The following SUV39H2 variants were observed in gnomAD, a reference collection of about 807,000 sequenced individuals.
The protein encoded by SUV39H2 is histone-lysine N-methyltransferase SUV39H2.
A neutral mutation model predicts 47.5 loss-of-function variants in SUV39H2; 10 were observed. The observed-to-expected ratio is 0.21, with a 90% CI of 0.13 to 0.36. SUV39H2 has a LOEUF of 0.36. Ranked by LOEUF, SUV39H2 falls within the 10% of genes least tolerant of loss-of-function variation. The pLI, the probability that SUV39H2 is intolerant of heterozygous loss-of-function variation, is 1.00. For missense variants in SUV39H2, 266 were observed against 487.4 expected, an observed-to-expected ratio of 0.55 and a Z score of 4.28; for synonymous variants, 159 against 166.8, an observed-to-expected ratio of 0.95 and a Z score of 0.36.
At chr10:14,888,389 A>C (rs559741498) in intron 2 of SUV39H2, among the ~76,000 whole-genome samples, 1 of 152,178 alleles carries the variant, frequency 6.6e-6, no homozygotes, top group South Asian at 2.1e-4. Flanking sequence ...TAATCCCAGC[A>C]CTTTGGGAGG....
intron 2 of SUV39H2, among the ~76,000 whole-genome samples, chr10:14,883,704 C>CAAA (rs58522342): frequency 0.011 from 554 of 49,972 alleles, 32 homozygotes; most frequent in East Asian, 0.041. Flanking sequence ...GACTCAGTCT[C>CAAA]AAAAAAAAAA....
chr10:14,883,404 G>T (rs1833102275), intron 2 of SUV39H2, among the ~76,000 whole-genome samples: 1 of 151,784 alleles, frequency 6.6e-6, no homozygotes, highest in Admixed American at 6.6e-5. Context: ...TATTTAAAGT[G>T]TACAATTCAG....
intron 4 of SUV39H2, among the ~76,000 whole-genome samples, chr10:14,899,970 C>A (rs747782217): frequency 6.6e-5 from 10 of 152,108 alleles, no homozygotes; most frequent in Non-Finnish European, 2.9e-5. Context: ...GTATTACTTT[C>A]ATATTACAAT....
chr10:14,881,663 C>T lies in SUV39H2; in HGVS notation c.177+18C>T. On this transcript the variant is annotated intron_variant, in intron 2 of 5. Transcript: ENST00000354919. ...TAGTAAAGGTAAGGCAAATATCTAG[C>T]CCCTTACAAGAGACCTAATCAGACT... 6.6e-7 allele frequency: 1 copy of T among 1,520,036 alleles called. No homozygotes were observed. The highest frequency in any genetic ancestry group is 1.8e-4 in the Middle Eastern group (1 of 5,654). The allele number at this position is 1,520,036 out of a possible 1,614,324, so 94.2% of individuals were successfully genotyped here.
chr10:14,886,510 T>C (rs1454768382), intron 2 of SUV39H2, among the ~76,000 whole-genome samples: 2 of 152,240 alleles, frequency 1.3e-5, no homozygotes, highest in Non-Finnish European at 2.9e-5. Flanking sequence ...AACGGGTGTT[T>C]GGTCCATGGT....
In SUV39H2 at chr10:14,896,885, G is replaced by C. The variant is rs774367306; in HGVS notation, c.217G>C (p.Asp73His). The C allele has an allele frequency of 6.2e-7, 1 of 1,602,070 alleles. No homozygotes were observed. The highest frequency in any genetic ancestry group is 8.5e-7 in the Non-Finnish European group (1 of 1,172,432). ...TCTTGTAAAATGGAAAGGATGGCCAGATTCTACAAATACTTGGGAACCTTT... is the reference window on the plus strand; with the variant it reads ...TCTTGTAAAATGGAAAGGATGGCCACATTCTACAAATACTTGGGAACCTTT... ...YYLVKWKGWP[D>H]STNTWEPLQN... Residue 73 changes from aspartate (D) to histidine (H), a missense_variant, in exon 3 of 6, where the codon GAT becomes CAT. Physicochemically the swap from Asp to His is moderately conservative, Grantham distance 81. This residue lies in a region of SUV39H2 where 32 missense variants were observed against 77.2 expected (regional missense o/e 0.41). Transcript: ENST00000354919.
intron 2 of SUV39H2, among the ~76,000 whole-genome samples, chr10:14,882,501 C>T (rs1277545571): frequency 6.6e-6 from 1 of 152,228 alleles, no homozygotes; most frequent in Non-Finnish European, 1.5e-5. Flanking sequence ...CAGCCCCAGT[C>T]ATCTGCCATC....
intron 2 of SUV39H2, among the ~76,000 whole-genome samples, chr10:14,885,387 C>G (rs1206574380): frequency 6.6e-6 from 1 of 152,188 alleles, no homozygotes; most frequent in Non-Finnish European, 1.5e-5. Context: ...TTTCTTTTTA[C>G]TCTCTAAATC....
rs1357653635 is a variant in SUV39H2 at position 14,903,899 on chromosome 10, G to A, written c.*1387G>A. ...CTTCTTAATCTTTAGCTCTTTCTTG[G>A]GAGAAGCTAGACTTTATTCATTATA... On this transcript the variant is annotated 3_prime_UTR_variant, in exon 6 of 6. Transcript: ENST00000354919. 2.6e-5 allele frequency: 4 copies of A among 152,032 alleles called. No individual in the cohort carries two copies. The South Asian group carries it at 8.3e-4, about 32-fold the overall frequency. The allele number at this position is 152,032 out of a possible 1,614,324, so 9.4% of individuals were successfully genotyped here.
chr10:14,902,610 C>A lies in SUV39H2; in HGVS notation c.*98C>A. ...TGGGACTCTTATTATCAAGGTTCTACCTATGTTAATTTACAATTCATGTTT... is the reference window on the plus strand; with the variant it reads ...TGGGACTCTTATTATCAAGGTTCTAACTATGTTAATTTACAATTCATGTTT... On this transcript the variant is annotated 3_prime_UTR_variant, in exon 6 of 6. Coordinates refer to ENST00000354919, the MANE Select transcript of SUV39H2 (RefSeq NM_001193424.2). 1 of 735,300 alleles carries A rather than the reference C, an allele frequency of 1.4e-6. No homozygotes were observed. The highest frequency in any genetic ancestry group is 2.1e-6 in the Non-Finnish European group (1 of 478,790). 45.5% of individuals were successfully genotyped at this position (735,300 alleles called of 1,614,324 possible). A position where few individuals can be genotyped will look rare whatever the true frequency, so the allele number is the denominator to read the frequency against.
intron 5 of SUV39H2, 113 bp from the exon 6 acceptor site, chr10:14,902,293 C>T: frequency 1.7e-6 from 1 of 578,628 alleles, no homozygotes; most frequent in Non-Finnish European, 2.9e-6. Flanking sequence ...AGGGTCTTGA[C>T]CATGTAAGTA....
In SUV39H2 at chr10:14,891,759, G is replaced by A. The variant is rs570688855; in HGVS notation, c.178-5087G>A. Among the ~76,000 whole-genome samples the A allele has an allele frequency of 1.6e-4, 25 of 152,292 alleles. No individual in the cohort carries two copies. The South Asian group carries it at 5.2e-3, about 32-fold the overall frequency. On this transcript the variant is annotated intron_variant, in intron 2 of 5. Transcript: ENST00000354919. The stretch of plus-strand genomic sequence containing the variant: ...AATAAAGAAATAATCTGATATGGAA[G>A]GACAGTGGTGAGTTACATGTCGATA...
At chr10:14,883,514 G>A (rs1041889996) in intron 2 of SUV39H2, among the ~76,000 whole-genome samples, 2 of 151,510 alleles carry the variant, frequency 1.3e-5, no homozygotes, top group Admixed American at 1.3e-4. Flanking sequence ...AGACCAGCCT[G>A]GCCAACATAG....
chr10:14,893,104 C>T (rs987788407), intron 2 of SUV39H2, among the ~76,000 whole-genome samples: 16 of 149,916 alleles, frequency 1.1e-4, no homozygotes, highest in Non-Finnish European at 1.9e-4. Flanking sequence ...CTGGGGTTCA[C>T]GCCATTCTCC....
chr10:14,892,205 C>T (rs1277308695), intron 2 of SUV39H2, among the ~76,000 whole-genome samples: 1 of 152,136 alleles, frequency 6.6e-6, no homozygotes, highest in Non-Finnish European at 1.5e-5. Context: ...GCTGAAGAGT[C>T]CGTGGGTTTG....
intron 2 of SUV39H2, among the ~76,000 whole-genome samples, chr10:14,893,026 A>C: frequency 8.3e-6 from 1 of 119,914 alleles, no homozygotes. Flanking sequence ...TTTTTTTGAG[A>C]CGGAGTCTCG....
At chr10:14,888,919 C>A (rs1372109655) in intron 2 of SUV39H2, among the ~76,000 whole-genome samples, 2 of 152,124 alleles carry the variant, frequency 1.3e-5, no homozygotes, top group African/African-American at 4.8e-5. Context: ...GCCTGACCAA[C>A]ATGGAGAAAC....
chr10:14,888,844 C>T (rs966585373), intron 2 of SUV39H2, among the ~76,000 whole-genome samples: 1 of 152,142 alleles, frequency 6.6e-6, no homozygotes, highest in Non-Finnish European at 1.5e-5. Context: ...GTGGCTCACG[C>T]CTGTAATCCC....
At position 14,899,619 on chromosome 10, in the gene SUV39H2, T is replaced by C. The variant is rs1833856223; in HGVS notation, c.930T>C (p.Tyr310=). ...KGITYLFDLD[Y]ESDEFTVDAA... is the part of the protein sequence containing the mutation. Reference sequence around the variant, plus strand: ...TCACGTATCTCTTTGATCTGGACTATGAGTCTGATGAATTCACAGTGGATG... The same window carrying C: ...TCACGTATCTCTTTGATCTGGACTACGAGTCTGATGAATTCACAGTGGATG... Residue 310 remains tyrosine, a synonymous_variant, in exon 4 of 6, where the codon TAT becomes TAC. Coordinates refer to ENST00000354919, the MANE Select transcript of SUV39H2 (RefSeq NM_001193424.2). The C allele has an allele frequency of 6.2e-7, 1 of 1,614,186 alleles. No individual in the cohort carries two copies.
Sources: allele counts gnomAD v4.1 joint callset (sites outside exome capture counted in the v4.1 genomes callset), GRCh38; gene constraint gnomAD v4.1.1; regional missense constraint gnomAD v4.1.1; transcripts MANE v1.5; gene names NCBI Gene and HGNC (gene_info 2026-07-23, HGNC 2026-07-21).